PTPRT: variants seen among roughly 807,000 people sequenced by gnomAD.
PTPRT encodes receptor-type tyrosine-protein phosphatase T.
A neutral mutation model predicts 176.8 loss-of-function variants in PTPRT; 56 were observed. The observed-to-expected ratio is 0.32, with a 90% CI of 0.26 to 0.40. The LOEUF is 0.40. PTPRT is among the 10% of genes least tolerant of loss of function. The pLI is 1.00. For synonymous variants in PTPRT, 783 were observed against 739.0 expected (o/e 1.06, Z -0.96); for missense variants, 1,540 against 1,908.2 (o/e 0.81, Z 3.60).
chr20:42,892,993 G>A (rs1421895735), intron 1 of PTPRT, among the ~76,000 whole-genome samples: 1 of 152,124 alleles, frequency 6.6e-6, no homozygotes, highest in African/African-American at 2.4e-5. Context: ...GGTGAACCCA[G>A]GGGAGGCCTT....
intron 7 of PTPRT, among the ~76,000 whole-genome samples, chr20:42,589,226 G>A (rs1474080343): frequency 6.6e-6 from 1 of 152,194 alleles, no homozygotes; most frequent in East Asian, 1.9e-4. Flanking sequence ...GGGTCTTTAT[G>A]GAGGTGGGGG....
At chr20:42,431,018 T>C (rs1013100596) in intron 9 of PTPRT, among the ~76,000 whole-genome samples, 2 of 152,168 alleles carry the variant, frequency 1.3e-5, no homozygotes, top group African/African-American at 4.8e-5. Flanking sequence ...AATTTCATGT[T>C]CGTGTGTGCG....
At chr20:42,578,808 C>T (rs1304995265) in intron 7 of PTPRT, among the ~76,000 whole-genome samples, 1 of 151,974 alleles carries the variant, frequency 6.6e-6, no homozygotes, top group East Asian at 1.9e-4. Flanking sequence ...TCATCTTACT[C>T]TCTGTTCAGA....
intron 7 of PTPRT, among the ~76,000 whole-genome samples, chr20:42,668,533 G>C (rs2075356195): frequency 6.6e-6 from 1 of 152,098 alleles, no homozygotes; most frequent in Non-Finnish European, 1.5e-5. Flanking sequence ...TAGGTTTAAA[G>C]AGAGAGAGCT....
intron 6 of PTPRT, among the ~76,000 whole-genome samples, chr20:42,696,562 T>C (rs1047866756): frequency 2.0e-5 from 3 of 151,652 alleles, no homozygotes; most frequent in African/African-American, 7.3e-5. Context: ...TTCACACCAT[T>C]CTCCTGCCTC....
chr20:42,067,567 C>T, the PTPRT span, among the ~76,000 whole-genome samples: 1 of 152,204 alleles, frequency 6.6e-6, no homozygotes, highest in Admixed American at 6.5e-5. Context: ...CCCTTACCAT[C>T]CTTCTTACTG....
chr20:43,009,285 C>T (rs1329351603), intron 1 of PTPRT, among the ~76,000 whole-genome samples: 1 of 152,200 alleles, frequency 6.6e-6, no homozygotes, highest in Non-Finnish European at 1.5e-5. Context: ...GCTGACATAT[C>T]GTTGCATCCC....
intron 11 of PTPRT, among the ~76,000 whole-genome samples, chr20:42,318,837 C>G (rs760522774): frequency 9.9e-5 from 15 of 152,152 alleles, no homozygotes; most frequent in Non-Finnish European, 1.5e-4. Context: ...ACCCCCGAAG[C>G]CTTGGGAGCT....
At chr20:42,563,702 A>C (rs938307284) in intron 7 of PTPRT, among the ~76,000 whole-genome samples, 3 of 152,192 alleles carry the variant, frequency 2.0e-5, no homozygotes, top group Non-Finnish European at 2.9e-5. Context: ...TATCATGGAG[A>C]GCTGTTCATA....
chr20:42,712,470 C>T (rs2076159103), intron 6 of PTPRT, among the ~76,000 whole-genome samples: 1 of 152,158 alleles, frequency 6.6e-6, no homozygotes. Context: ...AGGGACAGTA[C>T]ACATCTGTGC....
intron 2 of PTPRT, among the ~76,000 whole-genome samples, chr20:42,854,115 C>A (rs1441020153): frequency 6.6e-6 from 1 of 152,188 alleles, no homozygotes; most frequent in Non-Finnish European, 1.5e-5. Flanking sequence ...GACTCTGGAT[C>A]TCCTTATACC....
At chr20:42,473,379 TA>T (rs35745675) in intron 7 of PTPRT, among the ~76,000 whole-genome samples, 11,643 of 152,280 alleles carry the variant, frequency 0.076, 601 homozygotes, top group South Asian at 0.17. Context: ...TAGATTTTTT[TA>T]ATATAAAACA....
intron 2 of PTPRT, among the ~76,000 whole-genome samples, chr20:42,861,090 T>A (rs2078652834): frequency 6.6e-6 from 1 of 152,200 alleles, no homozygotes; most frequent in African/African-American, 2.4e-5. Context: ...TCTAGCTGAG[T>A]TTAACCAATG....
intron 2 of PTPRT, among the ~76,000 whole-genome samples, chr20:42,863,887 C>T (rs1364241168): frequency 6.6e-6 from 1 of 152,164 alleles, no homozygotes; most frequent in Non-Finnish European, 1.5e-5. Flanking sequence ...GGGGTCCAGC[C>T]CCACCTCTGC....
intron 12 of PTPRT, among the ~76,000 whole-genome samples, chr20:42,312,284 G>A (rs1467075446): frequency 6.6e-6 from 1 of 152,138 alleles, no homozygotes; most frequent in African/African-American, 2.4e-5. Context: ...GCTTTCTGAT[G>A]TATTTGCACA....
At chr20:42,196,294 C>A (rs1204134162) in intron 16 of PTPRT, among the ~76,000 whole-genome samples, 1 of 152,168 alleles carries the variant, frequency 6.6e-6, no homozygotes, top group African/African-American at 2.4e-5. Flanking sequence ...GACAACTTAG[C>A]ATAGCCAGAG....
At chr20:42,799,332 C>T (rs1386487147) in intron 2 of PTPRT, among the ~76,000 whole-genome samples, 1 of 152,056 alleles carries the variant, frequency 6.6e-6, no homozygotes, top group Non-Finnish European at 1.5e-5. Context: ...CCTACATAAG[C>T]TTGCATCCCT....
intron 1 of PTPRT, among the ~76,000 whole-genome samples, chr20:43,128,665 C>A (rs1476283372): frequency 3.3e-5 from 5 of 152,232 alleles, no homozygotes; most frequent in African/African-American, 1.2e-4. Context: ...ATTACCACTG[C>A]TCCTGGCCGA....
chr20:42,691,020 G>A (rs2075784784), intron 6 of PTPRT, among the ~76,000 whole-genome samples: 1 of 150,912 alleles, frequency 6.6e-6, no homozygotes, highest in South Asian at 2.1e-4. Context: ...GGGCCATTCA[G>A]CCCAGCGCCT....
Sources: gnomAD v4.1 joint callset for allele counts (sites outside exome capture counted in the v4.1 genomes callset) on GRCh38, gnomAD v4.1.1 for gene constraint, MANE v1.5 for transcripts, NCBI Gene and HGNC (gene_info 2026-07-23, HGNC 2026-07-21) for gene names.